EYS: variants seen among roughly 807,000 people sequenced by gnomAD.
EYS encodes the protein protein eyes shut homolog.
EYS carries 250 observed loss-of-function variants against 282.1 expected under a neutral mutation model. The ratio of observed to expected loss-of-function variants is 0.89; its 90% confidence interval spans 0.80 to 0.98. The LOEUF (loss-of-function observed/expected upper bound fraction) is 0.98, where lower values mean the gene tolerates loss of function less well. Among genes scored for constraint, EYS ranks in the 50% least tolerant of loss-of-function variants. The probability of loss-of-function intolerance (pLI) is 0.00; values close to 1 mark genes in which losing one functional copy is unlikely to be tolerated. For synonymous variants in EYS, 1,355 were observed against 1,282.9 expected (o/e 1.06, Z -1.20); for missense variants, 4,016 against 3,709.0 (o/e 1.08, Z -2.15).
At chr6:63,786,271 G>C (rs1442302329) in intron 39 of EYS, 1 of 149,936 alleles carries the variant, frequency 6.7e-6, no homozygotes, top group Non-Finnish European at 1.5e-5. Context: ...TAAAAGCCTA[G>C]ATCAGATAAT....
At chr6:65,105,609 T>C (rs1775012782) in intron 12 of EYS, among the ~76,000 whole-genome samples, 1 of 151,928 alleles carries the variant, frequency 6.6e-6, no homozygotes, top group Non-Finnish European at 1.5e-5. Context: ...ATACATTTTA[T>C]TATTTTTGAA....
At chr6:64,970,413 G>A (rs1770250350) in intron 14 of EYS, among the ~76,000 whole-genome samples, 1 of 152,074 alleles carries the variant, frequency 6.6e-6, no homozygotes, top group Non-Finnish European at 1.5e-5. Context: ...GGCCAGGCTG[G>A]TCTGGAATCC....
rs527384569 is a variant in EYS, at chr6:65,594,316, G to A, written c.-333+45462C>T. On this transcript the variant is annotated intron_variant, in intron 2 of 42. Coordinates refer to ENST00000503581, the MANE Select transcript of EYS (RefSeq NM_001142800.2). Reference sequence around the variant, plus strand: ...AGTCACCCAACCAATAAGCAGATGAGCCTGAACAAAAACCCATAGTTAAAA... The same window carrying A: ...AGTCACCCAACCAATAAGCAGATGAACCTGAACAAAAACCCATAGTTAAAA... 1.2e-4 allele frequency among the ~76,000 whole-genome samples: 19 copies of A among 152,058 alleles called. No homozygotes were observed. In the South Asian group the frequency reaches 2.7e-3, roughly 22 times the overall value.
At chr6:65,026,260 C>G (rs948804698) in intron 13 of EYS, among the ~76,000 whole-genome samples, 1 of 152,068 alleles carries the variant, frequency 6.6e-6, no homozygotes, top group Non-Finnish European at 1.5e-5. Context: ...TTCAGGTGCT[C>G]TAAATACTGT....
At chr6:64,830,949 C>T (rs999344201) in intron 19 of EYS, among the ~76,000 whole-genome samples, 13 of 151,966 alleles carry the variant, frequency 8.6e-5, no homozygotes, top group African/African-American at 3.1e-4. Context: ...TGGGCCTCCC[C>T]TCTGCTGTGC....
At chr6:64,200,403 A>G (rs559424341) in intron 31 of EYS, among the ~76,000 whole-genome samples, 1 of 152,268 alleles carries the variant, frequency 6.6e-6, no homozygotes, top group Non-Finnish European at 1.5e-5. Context: ...CAAGTTGTTA[A>G]TAAGAAATTG....
intron 29 of EYS, among the ~76,000 whole-genome samples, chr6:64,349,535 T>C (rs914352547): frequency 3.3e-5 from 5 of 151,316 alleles, no homozygotes; most frequent in African/African-American, 1.2e-4. Flanking sequence ...TATTGTTCAA[T>C]ACTAGGTAAG....
intron 12 of EYS, among the ~76,000 whole-genome samples, chr6:65,098,749 A>G (rs1774808546): frequency 6.6e-6 from 1 of 150,798 alleles, no homozygotes; most frequent in African/African-American, 2.4e-5. Context: ...TTTCATCCAT[A>G]TCATTTCACC....
chr6:64,346,060 T>G (rs1183784678), intron 29 of EYS, among the ~76,000 whole-genome samples: 2 of 151,990 alleles, frequency 1.3e-5, no homozygotes, highest in Non-Finnish European at 1.5e-5. Flanking sequence ...CAACAGGTGC[T>G]GGAGAGGATG....
intron 11 of EYS, among the ~76,000 whole-genome samples, chr6:65,333,376 T>C (rs892612201): frequency 6.6e-6 from 1 of 151,766 alleles, no homozygotes; most frequent in Non-Finnish European, 1.5e-5. Flanking sequence ...TTTAATCTCA[T>C]TCAATTTTGG....
At chr6:63,821,630 T>C (rs1246419899) in intron 36 of EYS, 1 of 152,260 alleles carries the variant, frequency 6.6e-6, no homozygotes, top group Non-Finnish European at 1.5e-5. Flanking sequence ...AGGGAAAGGA[T>C]GTGAGCATGC....
intron 31 of EYS, among the ~76,000 whole-genome samples, chr6:64,095,552 T>C (rs1004271512): frequency 1.3e-5 from 2 of 152,172 alleles, no homozygotes; most frequent in African/African-American, 4.8e-5. Context: ...TTAAAGTCTG[T>C]TTTATCAGAG....
chr6:65,176,888 A>G (rs1765239089), intron 12 of EYS, among the ~76,000 whole-genome samples: 1 of 151,746 alleles, frequency 6.6e-6, no homozygotes, highest in Non-Finnish European at 1.5e-5. Flanking sequence ...ATTTTAAGAA[A>G]ATTAAAATCC....
intron 18 of EYS, among the ~76,000 whole-genome samples, chr6:64,887,498 C>A (rs1163368895): frequency 6.6e-6 from 1 of 152,010 alleles, no homozygotes; most frequent in Admixed American, 6.6e-5. Context: ...AAACTGTATA[C>A]TTAGCAAAAA....
At chr6:65,341,369 C>T (rs941129048) in intron 10 of EYS, among the ~76,000 whole-genome samples, 3 of 151,148 alleles carry the variant, frequency 2.0e-5, no homozygotes, top group African/African-American at 7.3e-5. Context: ...ACACATTCCT[C>T]CCCTCATATT....
intron 29 of EYS, among the ~76,000 whole-genome samples, chr6:64,332,184 C>T (rs1048083026): frequency 3.3e-5 from 5 of 152,264 alleles, no homozygotes; most frequent in Admixed American, 1.3e-4. Context: ...AGGTGCTGCC[C>T]GTGGTCCTTC....
At chr6:65,163,263 G>T (rs561159942) in intron 12 of EYS, among the ~76,000 whole-genome samples, 34 of 151,076 alleles carry the variant, frequency 2.3e-4, no homozygotes, top group Admixed American at 5.3e-4. Flanking sequence ...CAAAACTTTA[G>T]TTTTGAAAAC....
At chr6:64,599,406 A>G (rs1207508549) in intron 24 of EYS, among the ~76,000 whole-genome samples, 1 of 152,190 alleles carries the variant, frequency 6.6e-6, no homozygotes, top group Non-Finnish European at 1.5e-5. Flanking sequence ...CTGATGGACT[A>G]GATGTATGGG....
At chr6:63,753,166 ATG>A (rs1450312005) in intron 41 of EYS, among the ~76,000 whole-genome samples, 2 of 129,898 alleles carry the variant, frequency 1.5e-5, no homozygotes, top group South Asian at 2.4e-4. Flanking sequence ...ATATATATAT[ATG>A]TATATATATT....
Sources: gnomAD v4.1 joint callset for allele counts (sites outside exome capture counted in the v4.1 genomes callset) on GRCh38, gnomAD v4.1.1 for gene constraint, MANE v1.5 for transcripts, NCBI Gene and HGNC (gene_info 2026-07-23, HGNC 2026-07-21) for gene names.